Variants in SLC4A10 observed in about 807,000 individuals in gnomAD.
The protein encoded by SLC4A10 is sodium-driven chloride bicarbonate exchanger.
Under a neutral mutation model 137.7 loss-of-function variants are expected in SLC4A10, and 42 were observed. The observed-to-expected ratio is 0.30, with a 90% CI of 0.24 to 0.39. The LOEUF (loss-of-function observed/expected upper bound fraction) is 0.39. SLC4A10 is among the 10% of genes least tolerant of loss of function. The pLI is 1.00. For synonymous variants in SLC4A10, 474 were observed against 464.1 expected (o/e 1.02, Z -0.27); for missense variants, 925 against 1,355.0 (o/e 0.68, Z 4.98).
chr2:161,804,826 T>C (rs571333953), intron 3 of SLC4A10, among the ~76,000 whole-genome samples: 7 of 152,272 alleles, frequency 4.6e-5, no homozygotes, highest in African/African-American at 1.7e-4. Context: ...GGAAATACAA[T>C]TGAGTAAAGC....
At chr2:161,879,614 T>C (rs765649426) in intron 9 of SLC4A10, among the ~76,000 whole-genome samples, 2 of 151,238 alleles carry the variant, frequency 1.3e-5, no homozygotes, top group Admixed American at 6.6e-5. Context: ...TTCTCAAAGA[T>C]TGCATTAAAT....
At chr2:161,887,857 T>C (rs1437835394) in intron 10 of SLC4A10, among the ~76,000 whole-genome samples, 2 of 152,230 alleles carry the variant, frequency 1.3e-5, no homozygotes, top group East Asian at 3.8e-4. Flanking sequence ...GCTTTTGGTG[T>C]TTTAGTCATG....
At chr2:161,644,482 T>TCTAAAA (rs2035749470) in intron 1 of SLC4A10, among the ~76,000 whole-genome samples, 1 of 24,202 alleles carries the variant, frequency 4.1e-5, no homozygotes, top group Non-Finnish European at 1.2e-4. Context: ...AGACCCTGCC[T>TCTAAAA]CAAAAACAAA....
chr2:161,808,975 T>C (rs2056287235), intron 3 of SLC4A10, among the ~76,000 whole-genome samples: 1 of 152,168 alleles, frequency 6.6e-6, no homozygotes, highest in South Asian at 2.1e-4. Context: ...TTTAATTTCT[T>C]TGATAAATCT....
At chr2:161,770,012 T>C (rs940542567) in intron 1 of SLC4A10, among the ~76,000 whole-genome samples, 8 of 151,888 alleles carry the variant, frequency 5.3e-5, no homozygotes, top group Non-Finnish European at 1.2e-4. Context: ...TTCAACATAC[T>C]CTGGCTTTCA....
chr2:161,843,049 G>A (rs1004110539), intron 4 of SLC4A10, among the ~76,000 whole-genome samples: 3 of 152,098 alleles, frequency 2.0e-5, no homozygotes, highest in African/African-American at 7.2e-5. Flanking sequence ...TTATTTTAGA[G>A]TTCCTTCTTT....
intron 3 of SLC4A10, among the ~76,000 whole-genome samples, chr2:161,814,722 G>A (rs2056884788): frequency 6.6e-6 from 1 of 152,080 alleles, no homozygotes; most frequent in South Asian, 2.1e-4. Context: ...ACATTGGGTA[G>A]TTGTGAACAT....
At chr2:161,787,115 T>C (rs1031118921) in intron 2 of SLC4A10, among the ~76,000 whole-genome samples, 1 of 152,088 alleles carries the variant, frequency 6.6e-6, no homozygotes, top group African/African-American at 2.4e-5. Flanking sequence ...ACCAGTCTCA[T>C]GGTGATGAAT....
At chr2:161,771,597 G>T (rs1399912596) in intron 2 of SLC4A10, among the ~76,000 whole-genome samples, 1 of 151,816 alleles carries the variant, frequency 6.6e-6, no homozygotes, top group Non-Finnish European at 1.5e-5. Flanking sequence ...ATTTGTCATA[G>T]GAACTTCAGC....
chr2:161,677,710 A>C (rs997877854), intron 1 of SLC4A10, among the ~76,000 whole-genome samples: 1 of 152,168 alleles, frequency 6.6e-6, no homozygotes, highest in Admixed American at 6.6e-5. Flanking sequence ...TCTTCAAAAT[A>C]AGTCATGTGA....
intron 2 of SLC4A10, among the ~76,000 whole-genome samples, chr2:161,781,886 C>A (rs1289029352): frequency 1.3e-5 from 2 of 152,002 alleles, no homozygotes; most frequent in African/African-American, 4.8e-5. Context: ...AAATTTCTAC[C>A]CCCAACGCAA....
chr2:161,972,343 C>A lies in SLC4A10; in HGVS notation c.3160-1906C>A, dbSNP rs181761047. 1.8e-3 allele frequency among the ~76,000 whole-genome samples: 279 copies of A among 152,160 alleles called. 1 individual carries two copies. The highest frequency in any genetic ancestry group is 6.4e-3 in the African/African-American group (264 of 41,508). ...ATGATACATATGCTCTGCCCCTGAC[C>A]GCCAGGATGTGCCTACAATATATAT... On this transcript the variant is annotated intron_variant, in intron 23 of 26. Coordinates refer to ENST00000446997, the MANE Select transcript of SLC4A10 (RefSeq NM_001178015.2).
intron 1 of SLC4A10, among the ~76,000 whole-genome samples, chr2:161,640,286 G>A (rs2035083836): frequency 1.3e-5 from 2 of 151,940 alleles, no homozygotes; most frequent in South Asian, 4.1e-4. Flanking sequence ...CCATCCTTTT[G>A]TGAATACTCC....
chr2:161,771,078 G>C, intron 2 of SLC4A10, 24 bp downstream of exon 2: 2 of 1,501,520 alleles, frequency 1.3e-6, no homozygotes, highest in Non-Finnish European at 9.2e-7. Context: ...TCTTGGGATA[G>C]CTATTGGTGT....
intron 1 of SLC4A10, among the ~76,000 whole-genome samples, chr2:161,673,214 C>G (rs2039925488): frequency 6.6e-6 from 1 of 152,166 alleles, no homozygotes; most frequent in Non-Finnish European, 1.5e-5. Context: ...TGGACTCTCC[C>G]TAACTCACCC....
intron 1 of SLC4A10, among the ~76,000 whole-genome samples, chr2:161,754,304 C>A (rs1356944635): frequency 6.6e-6 from 1 of 152,036 alleles, no homozygotes; most frequent in Non-Finnish European, 1.5e-5. Flanking sequence ...GATTTAGATT[C>A]CAAGTGGGAG....
At chr2:161,766,887 C>T (rs1200273379) in intron 1 of SLC4A10, among the ~76,000 whole-genome samples, 1 of 150,894 alleles carries the variant, frequency 6.6e-6, no homozygotes, top group East Asian at 2.0e-4. Context: ...ACACTTAGCC[C>T]TGATCTGTCT....
Position 161,636,867 on chromosome 2 carries a change from T to A in SLC4A10, c.48+12301T>A, listed in dbSNP as rs555984101. 4.6e-5 allele frequency among the ~76,000 whole-genome samples: 7 copies of A among 151,094 alleles called. No homozygotes were observed. In the East Asian group the frequency reaches 7.8e-4, roughly 17 times the overall value. On this transcript the variant is annotated intron_variant, in intron 1 of 26. Transcript: ENST00000446997. The stretch of plus-strand genomic sequence containing the variant: ...ACCATGCCTGTCTAATTAATTTTTT[T>A]ATTTTTTTATTTTTATTTTTATTTT...
At chr2:161,724,510 G>A (rs938934684) in intron 1 of SLC4A10, among the ~76,000 whole-genome samples, 2 of 152,168 alleles carry the variant, frequency 1.3e-5, no homozygotes, top group Non-Finnish European at 2.9e-5. Flanking sequence ...GGGGAGCAGT[G>A]TGAACAAGAT....
Sources: allele counts gnomAD v4.1 joint callset (sites outside exome capture counted in the v4.1 genomes callset), GRCh38; gene constraint gnomAD v4.1.1; transcripts MANE v1.5; gene names NCBI Gene and HGNC (gene_info 2026-07-23, HGNC 2026-07-21).